RBBP8: variants seen among roughly 807,000 people sequenced by gnomAD.
The protein encoded by RBBP8 is RB binding protein 8, endonuclease, also known as DNA endonuclease RBBP8.
Under a neutral mutation model 108.3 loss-of-function variants are expected in RBBP8, and 88 were observed. The ratio of observed to expected loss-of-function variants is 0.81; its 90% CI spans 0.68 to 0.97. The LOEUF is 0.97. Ranked by LOEUF, RBBP8 falls within the 50% of genes least tolerant of loss-of-function variation. The pLI is 0.00. For missense variants in RBBP8, 1,023 were observed against 1,049.0 expected (o/e 0.98, Z 0.34); for synonymous variants, 332 against 348.2 (o/e 0.95, Z 0.52).
chr18:22,971,933 C>T (rs911173589), intron 5 of RBBP8, among the ~76,000 whole-genome samples: 4 of 151,298 alleles, frequency 2.6e-5, no homozygotes, highest in Admixed American at 2.6e-4. Context: ...TTGTGAGCCA[C>T]CGTGCCTGGC....
exon 3 of RBBP8, chr18:22,916,981 G>A (rs1285597155): frequency 6.6e-6 from 1 of 152,058 alleles, no homozygotes; most frequent in East Asian, 1.9e-4. Context: ...GAAATTGCAG[G>A]ACTTAAAAAC....
chr18:23,025,021 G>C (rs931854911), intron 18 of RBBP8, among the ~76,000 whole-genome samples: 1 of 152,178 alleles, frequency 6.6e-6, no homozygotes, highest in Non-Finnish European at 1.5e-5. Context: ...GCCAAGATGG[G>C]AGGATCCATT....
At chr18:22,994,465 A>T (rs768171062) in intron 12 of RBBP8, among the ~76,000 whole-genome samples, 135 of 147,436 alleles carry the variant, frequency 9.2e-4, no homozygotes, top group Admixed American at 1.6e-3. Flanking sequence ...ACGTGGTGAA[A>T]CCCCATCTCT....
intron 16 of RBBP8, among the ~76,000 whole-genome samples, chr18:23,012,924 C>A (rs1392147285): frequency 6.6e-6 from 1 of 152,166 alleles, no homozygotes. Flanking sequence ...GAAGCCAGTG[C>A]TCATTTACCA....
chr18:22,984,787 A>G (rs141612841), intron 7 of RBBP8, 99 bp from the exon 8 acceptor site: 1 of 670,660 alleles, frequency 1.5e-6, no homozygotes. Context: ...AATACAGATA[A>G]TACATAAAAA....
chr18:23,022,668 T>TAAAATAAAATAAATAAAATAAAATAAAAA lies in RBBP8; in HGVS notation c.2596+401_2596+402insATAAAATAAATAAAATAAAATAAAAAAAA, dbSNP rs1353697130. Among the ~76,000 whole-genome samples, 3 of 136,112 alleles carry TAAAATAAAATAAATAAAATAAAATAAAAA rather than the reference T, an allele frequency of 2.2e-5. 1 individual carries two copies. Among genetic ancestry groups the TAAAATAAAATAAATAAAATAAAATAAAAA allele is most frequent in the Non-Finnish European group, 4.8e-5 (3 of 62,808 alleles). The allele number at this position is 136,112 out of a possible 152,430, so 89.3% of individuals were successfully genotyped here. A position where few individuals can be genotyped will look rare whatever the true frequency, so the allele number is the denominator to read the frequency against. ...AAATACAATATAAAATAAAATAAAATAAATAACTGTATATGCCCAAATGTG... is the reference window on the plus strand; with the variant it reads ...AAATACAATATAAAATAAAATAAAATAAAATAAAATAAATAAAATAAAATAAAAAAAATAACTGTATATGCCCAAATGTG... On this transcript the variant is annotated intron_variant, in intron 18 of 18. Coordinates refer to ENST00000327155, the MANE Select transcript of RBBP8 (RefSeq NM_002894.3).
chr18:22,923,235 C>T (rs1482320123), intron 3 of RBBP8, among the ~76,000 whole-genome samples: 2 of 152,054 alleles, frequency 1.3e-5, no homozygotes, highest in South Asian at 2.1e-4. Context: ...TGATCAACAA[C>T]CAAAGTACAG....
At chr18:22,953,877 C>A (rs1427767916) in intron 4 of RBBP8, among the ~76,000 whole-genome samples, 3 of 152,038 alleles carry the variant, frequency 2.0e-5, no homozygotes, top group Non-Finnish European at 4.4e-5. Flanking sequence ...AGGAAACTTA[C>A]AATCATGGCA....
In RBBP8 at chr18:22,991,709, ATGT is replaced by A. The variant is rs1598715378; in HGVS notation, c.920+664_920+666del. 2.0e-5 allele frequency among the ~76,000 whole-genome samples: 3 copies of A among 152,326 alleles called. No homozygotes were observed. The East Asian group carries it at 5.8e-4, about 29-fold the overall frequency. Reference sequence around the variant, plus strand: ...GAAAATTCAAGTTTTGCCTTTTGGAATGTTGTGAAATTTGGATTTTTTACCCAA... The same window carrying A: ...GAAAATTCAAGTTTTGCCTTTTGGAATGTGAAATTTGGATTTTTTACCCAA... On this transcript the variant is annotated intron_variant, in intron 10 of 18. Coordinates refer to ENST00000327155, the MANE Select transcript of RBBP8 (RefSeq NM_002894.3).
At chr18:22,988,209 A>G (rs996998009) in intron 8 of RBBP8, among the ~76,000 whole-genome samples, 1 of 152,238 alleles carries the variant, frequency 6.6e-6, no homozygotes, top group African/African-American at 2.4e-5. Flanking sequence ...CTTCTTGCCT[A>G]ATGAGTGTGT....
chr18:22,938,665 T>G (rs1234566021), intron 2 of RBBP8, among the ~76,000 whole-genome samples: 6 of 152,238 alleles, frequency 3.9e-5, no homozygotes. Flanking sequence ...GCATTTGAAT[T>G]CTGATTTCAT....
At chr18:22,987,676 T>A (rs150073755) in intron 8 of RBBP8, among the ~76,000 whole-genome samples, 1 of 152,308 alleles carries the variant, frequency 6.6e-6, no homozygotes, top group East Asian at 1.9e-4. Flanking sequence ...GGTCTTGCTC[T>A]CCTAGTCTCA....
At chr18:22,938,825 C>G (rs1306658238) in intron 2 of RBBP8, among the ~76,000 whole-genome samples, 1 of 152,172 alleles carries the variant, frequency 6.6e-6, no homozygotes, top group Non-Finnish European at 1.5e-5. Context: ...TGAATGGCCA[C>G]TTACCTTCAG....
chr18:22,978,433 C>A (rs1914644921), intron 6 of RBBP8, among the ~76,000 whole-genome samples: 1 of 151,846 alleles, frequency 6.6e-6, no homozygotes, highest in South Asian at 2.1e-4. Flanking sequence ...TTTGTTTTTT[C>A]CTTTTATGAC....
Position 22,993,334 on chromosome 18 carries a change from C to G in RBBP8, c.1507C>G (p.Gln503Glu), listed in dbSNP as rs777465941. The stretch of plus-strand genomic sequence containing the variant: ...TGATCGATTTTCAGCTATTCAGCGT[C>G]AAGAGAAAAGCCAAGGAAGTGAGAC... ...LSDRFSAIQR[Q>E]EKSQGSETSK... The change falls in exon 11 of 19, where the codon CAA (glutamine) becomes GAA (glutamate). Residue 503 changes from glutamine (Q) to glutamate (E), a missense_variant. Gln to Glu is a conservative substitution (Grantham distance 29, BLOSUM62 2). Coordinates refer to ENST00000327155, the MANE Select transcript of RBBP8 (RefSeq NM_002894.3). 1 of 1,614,206 alleles carries G rather than the reference C, an allele frequency of 6.2e-7. No homozygotes were observed. Among genetic ancestry groups the G allele is most frequent in the Non-Finnish European group, 8.5e-7 (1 of 1,180,036 alleles).
In RBBP8 at chr18:22,991,022, C is replaced by G. The variant is rs1794008107; in HGVS notation, c.893C>G (p.Ser298Cys). The change falls in exon 10 of 19, where the codon TCT becomes TGT. Residue 298 changes from serine to cysteine, a missense_variant. By Grantham distance (112) the Ser-to-Cys change is moderately radical (BLOSUM62 -1). Coordinates refer to ENST00000327155, the MANE Select transcript of RBBP8 (RefSeq NM_002894.3). ...CACAAGAAACAGCCTTTTGAGGAAT[C>G]TACAAGAAATACTGAAGATAGTTTA... ...GNHKKQPFEE[S>C]TRNTEDSLRF... The G allele has an allele frequency of 5.0e-6, 8 of 1,612,880 alleles. No homozygotes were observed. Among genetic ancestry groups the G allele is most frequent in the Non-Finnish European group, 6.8e-6 (8 of 1,179,082 alleles).
chr18:22,935,124 G>T (rs1257547359), intron 1 of RBBP8, among the ~76,000 whole-genome samples: 1 of 151,208 alleles, frequency 6.6e-6, no homozygotes, highest in Non-Finnish European at 1.5e-5. Flanking sequence ...CAAAACTAAT[G>T]CAGTGCACCT....
At chr18:22,987,823 A>C (rs559784507) in intron 8 of RBBP8, among the ~76,000 whole-genome samples, 1 of 152,142 alleles carries the variant, frequency 6.6e-6, no homozygotes, top group South Asian at 2.1e-4. Flanking sequence ...TACACTAATA[A>C]ATCCCAAACC....
At chr18:23,002,021 A>G (rs1368756120) in intron 15 of RBBP8, among the ~76,000 whole-genome samples, 1 of 152,220 alleles carries the variant, frequency 6.6e-6, no homozygotes, top group East Asian at 1.9e-4. Context: ...TGGTATTACA[A>G]ATTTCTTTCT....
Sources: gnomAD v4.1 joint callset for allele counts (sites outside exome capture counted in the v4.1 genomes callset) on GRCh38, gnomAD v4.1.1 for gene constraint, MANE v1.5 for transcripts, NCBI Gene and HGNC (gene_info 2026-07-23, HGNC 2026-07-21) for gene names.